Variants in LHFPL3 observed in about 807,000 individuals in gnomAD.
The protein encoded by LHFPL3 is LHFPL tetraspan subfamily member 3 protein.
In LHFPL3, 5 loss-of-function variants were observed where a neutral mutation model predicts 19.3. The observed-to-expected ratio is 0.26, with a 90% CI of 0.14 to 0.54. The LOEUF is 0.54. Among genes scored for constraint, LHFPL3 ranks in the 20% least tolerant of loss-of-function variants. The pLI, the probability that LHFPL3 is intolerant of heterozygous loss-of-function variation, is 0.94. For missense variants in LHFPL3, 249 were observed against 307.4 expected, an observed-to-expected ratio of 0.81 and a Z score of 1.42; for synonymous variants, 133 against 126.2, an observed-to-expected ratio of 1.05 and a Z score of -0.36.
rs1482272555 is a variant in LHFPL3, at chr7:104,831,024, G to GAACA, written c.683-75163_683-75162insAACA. On this transcript the variant is annotated intron_variant, in intron 2 of 2. Transcript: ENST00000424859. ...CCTGATTGGACCAAAACAATGACAT[G>GAACA]GTGACTCTTCCTTGGAAAAGGACTA... Among the ~76,000 whole-genome samples the GAACA allele has an allele frequency of 9.9e-5, 15 of 151,586 alleles. 1 individual carries two copies. Among genetic ancestry groups the GAACA allele is most frequent in the Admixed American group, 3.3e-4 (5 of 15,246 alleles).
At chr7:104,697,170 G>A (rs1033316641) in intron 1 of LHFPL3, among the ~76,000 whole-genome samples, 10 of 152,130 alleles carry the variant, frequency 6.6e-5, no homozygotes, top group South Asian at 4.2e-4. Flanking sequence ...GAGACCTACC[G>A]AAGACCACAT....
intron 1 of LHFPL3, among the ~76,000 whole-genome samples, chr7:104,417,725 A>G (rs1791649218): frequency 6.6e-6 from 1 of 151,722 alleles, no homozygotes; most frequent in Admixed American, 6.6e-5. Flanking sequence ...AAAAAATATG[A>G]GGAAACACTG....
At chr7:104,408,697 A>G (rs1166401243) in intron 1 of LHFPL3, among the ~76,000 whole-genome samples, 2 of 152,172 alleles carry the variant, frequency 1.3e-5, no homozygotes, top group Non-Finnish European at 2.9e-5. Context: ...TACACTCCAC[A>G]TGCCAATGCT....
intron 2 of LHFPL3, among the ~76,000 whole-genome samples, chr7:104,776,768 C>A (rs1260811835): frequency 6.6e-6 from 1 of 152,182 alleles, no homozygotes; most frequent in East Asian, 1.9e-4. Context: ...TTTTACAACA[C>A]GCAGGATGTG....
At chr7:104,865,535 A>C (rs1791705593) in intron 2 of LHFPL3, among the ~76,000 whole-genome samples, 1 of 152,200 alleles carries the variant, frequency 6.6e-6, no homozygotes, top group Non-Finnish European at 1.5e-5. Context: ...AAAAAGAATA[A>C]AAAGAAATGA....
Position 104,480,344 on chromosome 7 carries a change from G to A in LHFPL3, c.445+151120G>A, listed in dbSNP as rs376612190. Among the ~76,000 whole-genome samples, 31 of 151,792 alleles carry A rather than the reference G, an allele frequency of 2.0e-4. No individual in the cohort carries two copies. In the South Asian group the frequency reaches 2.3e-3, roughly 11 times the overall value. ...AAATGACACCCCCCGTCCCCCCACCGCCCAGATTTCCAGAAGACAGAAAGT... is the reference window on the plus strand; with the variant it reads ...AAATGACACCCCCCGTCCCCCCACCACCCAGATTTCCAGAAGACAGAAAGT... On this transcript the variant is annotated intron_variant, in intron 1 of 2. Coordinates refer to ENST00000424859, the MANE Select transcript of LHFPL3 (RefSeq NM_199000.3).
At chr7:104,431,126 A>C (rs1418037556) in intron 1 of LHFPL3, among the ~76,000 whole-genome samples, 1 of 151,868 alleles carries the variant, frequency 6.6e-6, no homozygotes, top group Admixed American at 6.6e-5. Flanking sequence ...TTTCCTTTAC[A>C]ATTTTTAAAA....
intron 2 of LHFPL3, among the ~76,000 whole-genome samples, chr7:104,864,411 C>G (rs1791679877): frequency 6.6e-6 from 1 of 152,174 alleles, no homozygotes; most frequent in African/African-American, 2.4e-5. Context: ...TCAGGTCACT[C>G]CCACCCTAAT....
chr7:104,765,522 T>C (rs1794443090), intron 2 of LHFPL3, among the ~76,000 whole-genome samples: 1 of 152,260 alleles, frequency 6.6e-6, no homozygotes, highest in African/African-American at 2.4e-5. Flanking sequence ...TCATCACTTT[T>C]AGAAGTCATT....
At chr7:104,448,748 C>G (rs1792377746) in intron 1 of LHFPL3, among the ~76,000 whole-genome samples, 1 of 152,114 alleles carries the variant, frequency 6.6e-6, no homozygotes, top group South Asian at 2.1e-4. Context: ...CCATGAATTG[C>G]TTTGGTAGAA....
chr7:104,417,045 A>G (rs554820777), intron 1 of LHFPL3, among the ~76,000 whole-genome samples: 33 of 152,206 alleles, frequency 2.2e-4, no homozygotes, highest in Non-Finnish European at 4.7e-4. Context: ...ACATTCTTTC[A>G]CTGGGGATTG....
rs1033137099 is a variant in LHFPL3 at position 104,901,357 on chromosome 7, C to A, written c.683-4830C>A. ...GGTTATTATTATTCAGCCTAAGAGTCTGCAGAACTTCTGCATGCCCTGGGG... is the reference window on the plus strand; with the variant it reads ...GGTTATTATTATTCAGCCTAAGAGTATGCAGAACTTCTGCATGCCCTGGGG... On this transcript the variant is annotated intron_variant, in intron 2 of 2. Coordinates refer to ENST00000424859, the MANE Select transcript of LHFPL3 (RefSeq NM_199000.3). Among the ~76,000 whole-genome samples the A allele has an allele frequency of 2.6e-5, 4 of 152,176 alleles. 1 individual carries two copies. In the South Asian group the frequency reaches 8.3e-4, roughly 32 times the overall value.
chr7:104,372,570 G>T (rs1318678549), intron 1 of LHFPL3, among the ~76,000 whole-genome samples: 1 of 152,190 alleles, frequency 6.6e-6, no homozygotes, highest in Non-Finnish European at 1.5e-5. Context: ...AAAAGAAAAG[G>T]TCTAATGGTT....
At chr7:104,606,093 T>A (rs1004413255) in intron 1 of LHFPL3, among the ~76,000 whole-genome samples, 2 of 152,226 alleles carry the variant, frequency 1.3e-5, no homozygotes, top group South Asian at 4.1e-4. Flanking sequence ...ACTCCTGGCC[T>A]CATGCAAGTG....
intron 2 of LHFPL3, among the ~76,000 whole-genome samples, chr7:104,773,207 G>A (rs926119302): frequency 6.6e-6 from 1 of 152,212 alleles, no homozygotes; most frequent in Non-Finnish European, 1.5e-5. Flanking sequence ...GCAGTGAGGG[G>A]CCACTGGCTG....
chr7:104,400,532 G>A, intron 1 of LHFPL3, among the ~76,000 whole-genome samples: 1 of 152,120 alleles, frequency 6.6e-6, no homozygotes, highest in East Asian at 1.9e-4. Context: ...AGACCACACT[G>A]AGGTTCTTTA....
intron 2 of LHFPL3, among the ~76,000 whole-genome samples, chr7:104,862,945 G>C (rs1791645249): frequency 6.6e-6 from 1 of 152,216 alleles, no homozygotes; most frequent in Admixed American, 6.5e-5. Flanking sequence ...AGTATGTGTA[G>C]AAAGATGTTG....
chr7:104,753,295 A>C (rs935951834), intron 2 of LHFPL3, among the ~76,000 whole-genome samples: 3 of 152,212 alleles, frequency 2.0e-5, no homozygotes, highest in African/African-American at 7.2e-5. Flanking sequence ...CTCAGATCAC[A>C]GGCTTTTCAC....
At chr7:104,675,993 A>G (rs1202174590) in intron 1 of LHFPL3, among the ~76,000 whole-genome samples, 1 of 152,198 alleles carries the variant, frequency 6.6e-6, no homozygotes, top group Non-Finnish European at 1.5e-5. Flanking sequence ...ACCAGATGAG[A>G]TGATCTTTGG....
Sources: allele counts gnomAD v4.1 joint callset (sites outside exome capture counted in the v4.1 genomes callset), GRCh38; gene constraint gnomAD v4.1.1; transcripts MANE v1.5; gene names NCBI Gene and HGNC (gene_info 2026-07-23, HGNC 2026-07-21).